The following ZNF385D variants were observed in gnomAD, a reference collection of about 807,000 sequenced individuals.
The protein encoded by ZNF385D is zinc finger protein 385D, also known as zinc finger protein 659.
In ZNF385D, 15 loss-of-function variants were observed where a neutral mutation model predicts 35.8. That is an observed-to-expected ratio of 0.42 (90% CI 0.28 to 0.64). The LOEUF (loss-of-function observed/expected upper bound fraction) is 0.64. Ranked by LOEUF, ZNF385D falls within the 30% of genes least tolerant of loss-of-function variation. The pLI is 0.23. For synonymous variants in ZNF385D, 212 were observed against 186.8 expected, an observed-to-expected ratio of 1.13 and a Z score of -1.10; for missense variants, 474 against 494.6, an observed-to-expected ratio of 0.96 and a Z score of 0.39.
chr3:21,424,317 A>ATATATATATATATATATATATT (rs1221923155), intron 6 of ZNF385D, among the ~76,000 whole-genome samples: 1 of 63,812 alleles, frequency 1.6e-5, no homozygotes, highest in African/African-American at 6.1e-5. Flanking sequence ...ATATATATAT[A>ATATATATATATATATATATATT]TTTTTTTTTT....
chr3:21,913,539 G>T (rs1054041585), intron 3 of ZNF385D, among the ~76,000 whole-genome samples: 1 of 152,004 alleles, frequency 6.6e-6, no homozygotes, highest in Non-Finnish European at 1.5e-5. Flanking sequence ...TATAAAAGTG[G>T]ATTTCAACAA....
intron 2 of ZNF385D, among the ~76,000 whole-genome samples, chr3:21,647,029 CAG>C (rs1361023522): frequency 1.3e-5 from 2 of 152,126 alleles, no homozygotes; most frequent in Non-Finnish European, 2.9e-5. Flanking sequence ...ATAAACAAAA[CAG>C]TGGCAAGGAA....
At chr3:21,731,187 T>C (rs1204572274) in intron 1 of ZNF385D, among the ~76,000 whole-genome samples, 1 of 152,224 alleles carries the variant, frequency 6.6e-6, no homozygotes, top group Non-Finnish European at 1.5e-5. Flanking sequence ...TACTTAAACA[T>C]GTGTTCAATT....
intron 2 of ZNF385D, among the ~76,000 whole-genome samples, chr3:22,186,157 G>C (rs925543133): frequency 6.6e-6 from 1 of 152,150 alleles, no homozygotes; most frequent in African/African-American, 2.4e-5. Context: ...GAGTTAGAAA[G>C]TGAGGTTTTT....
At chr3:21,829,925 A>G (rs879874206) in intron 3 of ZNF385D, among the ~76,000 whole-genome samples, 7 of 152,026 alleles carry the variant, frequency 4.6e-5, no homozygotes, top group Non-Finnish European at 1.0e-4. Context: ...GGAGTTCAAG[A>G]GCGGCCTGGC....
intron 3 of ZNF385D, among the ~76,000 whole-genome samples, chr3:21,513,012 G>A (rs1190494034): frequency 6.6e-6 from 1 of 152,144 alleles, no homozygotes; most frequent in East Asian, 1.9e-4. Flanking sequence ...GATGGGGGGT[G>A]AGATTAATCG....
chr3:21,753,332 T>A (rs1007913383), upstream of ZNF385D, among the ~76,000 whole-genome samples: 1 of 152,214 alleles, frequency 6.6e-6, no homozygotes, highest in African/African-American at 2.4e-5. Context: ...GTGCTATTTA[T>A]AATGGCTCAG....
chr3:21,664,448 GC>G (rs1188765337), intron 2 of ZNF385D, among the ~76,000 whole-genome samples: 1 of 152,120 alleles, frequency 6.6e-6, no homozygotes, highest in Admixed American at 6.5e-5. Flanking sequence ...CATAATCACT[GC>G]TGCCATTGTC....
chr3:21,765,829 G>C (rs952893023), intron 3 of ZNF385D, among the ~76,000 whole-genome samples: 5 of 152,002 alleles, frequency 3.3e-5, no homozygotes, highest in Non-Finnish European at 7.4e-5. Flanking sequence ...TAATTCAAAA[G>C]TTTCTTTTCA....
intron 3 of ZNF385D, among the ~76,000 whole-genome samples, chr3:21,978,949 A>T (rs967809446): frequency 6.6e-6 from 1 of 152,226 alleles, no homozygotes; most frequent in Admixed American, 6.5e-5. Context: ...TCATATTAAT[A>T]TCTAAAATTG....
chr3:21,454,545 C>T (rs147945617), intron 4 of ZNF385D, among the ~76,000 whole-genome samples: 117 of 152,228 alleles, frequency 7.7e-4, no homozygotes, highest in African/African-American at 2.8e-3. Context: ...ACCTTAGAAA[C>T]TTTGAGTTTC....
chr3:21,439,953 G>T lies in ZNF385D; in HGVS notation c.440-2750C>A, dbSNP rs145200463. The stretch of plus-strand genomic sequence containing the variant: ...AAATTTGTTATTTTCTAAGCATGTA[G>T]TTAGTGTGAAAGAAATAAAAAGTTA... On this transcript the variant is annotated intron_variant, in intron 4 of 7. Coordinates refer to ENST00000281523, the MANE Select transcript of ZNF385D (RefSeq NM_024697.3). Among the ~76,000 whole-genome samples, 54 of 152,150 alleles carry T rather than the reference G, an allele frequency of 3.5e-4. No homozygotes were observed. The East Asian group carries it at 7.7e-3, about 22-fold the overall frequency.
chr3:21,754,913 A>G (rs1164268685), upstream of ZNF385D, among the ~76,000 whole-genome samples: 2 of 152,220 alleles, frequency 1.3e-5, no homozygotes. Context: ...TGTGTAAGAC[A>G]TCATACTTTT....
At chr3:22,036,159 G>A (rs543646935) in intron 3 of ZNF385D, among the ~76,000 whole-genome samples, 1 of 152,246 alleles carries the variant, frequency 6.6e-6, no homozygotes, top group East Asian at 1.9e-4. Flanking sequence ...AACAGTAGAA[G>A]TTATATCAAT....
At chr3:21,460,502 TAAATA>T (rs1052650961) in intron 4 of ZNF385D, among the ~76,000 whole-genome samples, 1 of 146,112 alleles carries the variant, frequency 6.8e-6, no homozygotes, top group African/African-American at 2.8e-5. Flanking sequence ...AGGAACAAAA[TAAATA>T]AAGCAACCAA....
chr3:21,589,318 T>A (rs1575263736), intron 2 of ZNF385D, among the ~76,000 whole-genome samples: 1 of 152,192 alleles, frequency 6.6e-6, no homozygotes, highest in East Asian at 1.9e-4. Flanking sequence ...GAGGAAGATA[T>A]GTCATTGTCA....
intron 1 of ZNF385D, among the ~76,000 whole-genome samples, chr3:21,678,762 A>C (rs958524053): frequency 6.6e-6 from 1 of 152,144 alleles, no homozygotes; most frequent in South Asian, 2.1e-4. Context: ...TTGGCCCTGC[A>C]TTTTCCTGAA....
chr3:21,837,401 G>C (rs1278785032), intron 3 of ZNF385D, among the ~76,000 whole-genome samples: 2 of 152,026 alleles, frequency 1.3e-5, no homozygotes, highest in Non-Finnish European at 1.5e-5. Flanking sequence ...ATAGGGGTCT[G>C]GAATCAGATG....
chr3:21,922,172 G>T (rs1700498247), intron 3 of ZNF385D, among the ~76,000 whole-genome samples: 1 of 152,094 alleles, frequency 6.6e-6, no homozygotes. Flanking sequence ...CCATGCTCAT[G>T]AACTGGAAGA....
Sources: allele counts gnomAD v4.1 joint callset (sites outside exome capture counted in the v4.1 genomes callset), GRCh38; gene constraint gnomAD v4.1.1; transcripts MANE v1.5; gene names NCBI Gene and HGNC (gene_info 2026-07-23, HGNC 2026-07-21).